The following SPAST variants were observed in gnomAD, a reference collection of about 807,000 sequenced individuals.
SPAST encodes spastic paraplegia 4 (autosomal dominant; spastin).
In SPAST, 30 loss-of-function variants were observed where a neutral mutation model predicts 76.6. The ratio of observed to expected loss-of-function variants is 0.39; its 90% CI spans 0.29 to 0.53. SPAST has a LOEUF of 0.53. Among genes scored for constraint, SPAST ranks in the 20% least tolerant of loss-of-function variants. SPAST has a pLI of 0.68. For missense variants in SPAST, 717 were observed against 770.5 expected, an observed-to-expected ratio of 0.93 and a Z score of 0.82; for synonymous variants, 305 against 281.0, an observed-to-expected ratio of 1.09 and a Z score of -0.86.
intron 4 of SPAST, among the ~76,000 whole-genome samples, chr2:32,103,692 A>G (rs1166794005): frequency 1.3e-5 from 2 of 152,148 alleles, no homozygotes; most frequent in African/African-American, 4.8e-5. Flanking sequence ...GTTTCAAAGA[A>G]CATCTTTATT....
At chr2:32,128,158 C>G (rs1168473898) in intron 8 of SPAST, 1 of 424,834 alleles carries the variant, frequency 2.4e-6, no homozygotes, top group Non-Finnish European at 4.3e-6. Flanking sequence ...CCACGCCTGA[C>G]TAATTTTTGT....
chr2:32,066,875 GAGGTAGGAGGATCACTTGAGCTC>G (rs758269211), intron 1 of SPAST, among the ~76,000 whole-genome samples: 2 of 148,424 alleles, frequency 1.3e-5, no homozygotes, highest in Non-Finnish European at 3.0e-5. Context: ...TTGGGGGGCT[GAGGTAGGAGGATCACTTGAGCTC>G]AGGTTGTTCA....
Position 32,151,884 on chromosome 2 carries a change from CTG to C in SPAST, c.1729-2487_1729-2486del, listed in dbSNP as rs1680097150. ...TGAGATCGTACCACTGCACTCCAGT[CTG>C]TGCGACAGGAGCGAGACTCCATCTC... On this transcript the variant is annotated intron_variant, in intron 16 of 16. Coordinates refer to ENST00000315285, the MANE Select transcript of SPAST (RefSeq NM_014946.4). Among the ~76,000 whole-genome samples the C allele has an allele frequency of 1.3e-5, 2 of 149,866 alleles. 1 individual carries two copies. Among genetic ancestry groups the C allele is most frequent in the South Asian group, 4.2e-4 (2 of 4,776 alleles).
chr2:32,076,503 T>G (rs1676967067), intron 1 of SPAST, among the ~76,000 whole-genome samples: 1 of 152,084 alleles, frequency 6.6e-6, no homozygotes. Context: ...ACTACAGACA[T>G]GAGCCATCAC....
chr2:32,077,265 C>A (rs1490090274), intron 1 of SPAST, among the ~76,000 whole-genome samples: 1 of 151,990 alleles, frequency 6.6e-6, no homozygotes, highest in East Asian at 1.9e-4. Context: ...TATATTTGTT[C>A]CTTGGAATGG....
chr2:32,072,292 C>T (rs1182510429), intron 1 of SPAST, among the ~76,000 whole-genome samples: 1 of 152,164 alleles, frequency 6.6e-6, no homozygotes, highest in East Asian at 1.9e-4. Context: ...ATTCACCCGC[C>T]TCGGCCTCCC....
At chr2:32,067,436 C>G (rs568306098) in intron 1 of SPAST, among the ~76,000 whole-genome samples, 2 of 152,074 alleles carry the variant, frequency 1.3e-5, no homozygotes, top group Non-Finnish European at 2.9e-5. Context: ...TAAGGAAAAC[C>G]TAGGCATGAA....
rs1451362567 is a variant in SPAST, at chr2:32,156,804, A to G, written c.*2308A>G. 6.6e-6 allele frequency: 1 copy of G among 152,216 alleles called. No homozygotes were observed. The highest frequency in any genetic ancestry group is 2.4e-5 in the African/African-American group (1 of 41,462). The allele number at this position is 152,216 out of a possible 1,614,324, so 9.4% of individuals were successfully genotyped here. A position where few individuals can be genotyped will look rare whatever the true frequency, so the allele number is the denominator to read the frequency against. On this transcript the variant is annotated 3_prime_UTR_variant, in exon 17 of 17. Coordinates refer to ENST00000315285, the MANE Select transcript of SPAST (RefSeq NM_014946.4). Reference sequence around the variant, plus strand: ...AGACTTTTAGATAACAAAGATTTCAAATGTTAAAAGAGATAAAAGTCAGGT... The same window carrying G: ...AGACTTTTAGATAACAAAGATTTCAGATGTTAAAAGAGATAAAAGTCAGGT...
At chr2:32,140,428 G>T (rs1679678104) in intron 12 of SPAST, among the ~76,000 whole-genome samples, 1 of 152,132 alleles carries the variant, frequency 6.6e-6, no homozygotes, top group African/African-American at 2.4e-5. Flanking sequence ...TTTGAGACCA[G>T]CCTGGCCAAC....
intron 9 of SPAST, chr2:32,130,718 CAAA>C (rs902989770): frequency 1.9e-4 from 11 of 57,202 alleles, no homozygotes; most frequent in Admixed American, 2.0e-4. Context: ...GACTCTGTCT[CAAA>C]AAAAAAAAAA....
At chr2:32,144,807 C>T in intron 14 of SPAST, 130 bp from the exon 15 acceptor site, 2 of 679,612 alleles carry the variant, frequency 2.9e-6, no homozygotes, top group South Asian at 1.5e-5. Flanking sequence ...GAGAATCGCT[C>T]CAGGAGGTGG....
intron 3 of SPAST, among the ~76,000 whole-genome samples, chr2:32,096,413 C>T (rs1017985218): frequency 6.6e-6 from 1 of 151,922 alleles, no homozygotes; most frequent in Non-Finnish European, 1.5e-5. Context: ...CCAGCCTGGG[C>T]GACAGAGTGA....
At chr2:32,103,090 T>C (rs1678188898) in intron 4 of SPAST, among the ~76,000 whole-genome samples, 1 of 152,220 alleles carries the variant, frequency 6.6e-6, no homozygotes, top group African/African-American at 2.4e-5. Flanking sequence ...TGAATCCATC[T>C]GGTCCTGGAC....
At position 32,108,284 on chromosome 2, in the gene SPAST, G is replaced by A. The variant is rs538556526; in HGVS notation, c.683-6354G>A. On this transcript the variant is annotated intron_variant, in intron 4 of 16. Transcript: ENST00000315285. ...ACAACAGCCTCAACAGCAGATTAGA[G>A]ATAGCAAAAGAAAGATTCAGTGACT... Among the ~76,000 whole-genome samples the A allele has an allele frequency of 2.6e-5, 4 of 152,256 alleles. 1 individual carries two copies. The South Asian group carries it at 8.3e-4, about 32-fold the overall frequency.
At chr2:32,084,196 G>A (rs1172222413) in intron 1 of SPAST, among the ~76,000 whole-genome samples, 1 of 151,840 alleles carries the variant, frequency 6.6e-6, no homozygotes, top group Non-Finnish European at 1.5e-5. Flanking sequence ...TTTTGAGACA[G>A]AGTCTTGCTC....
chr2:32,140,255 T>C (rs1262332943), intron 12 of SPAST, among the ~76,000 whole-genome samples: 2 of 152,142 alleles, frequency 1.3e-5, no homozygotes, highest in Non-Finnish European at 2.9e-5. Flanking sequence ...TCCTTGGTGG[T>C]TTTTTATTCA....
chr2:32,070,101 T>C (rs1348119380), intron 1 of SPAST, among the ~76,000 whole-genome samples: 2 of 151,590 alleles, frequency 1.3e-5, no homozygotes, highest in East Asian at 3.9e-4. Flanking sequence ...AGTCTTGCTC[T>C]GTCACCCACG....
At chr2:32,073,269 G>A (rs890704834) in intron 1 of SPAST, among the ~76,000 whole-genome samples, 2 of 152,206 alleles carry the variant, frequency 1.3e-5, no homozygotes, top group African/African-American at 4.8e-5. Context: ...CTGGCCTCAA[G>A]TGATCTGCCT....
intron 12 of SPAST, among the ~76,000 whole-genome samples, chr2:32,139,453 T>G (rs1422415207): frequency 1.3e-5 from 2 of 152,168 alleles, no homozygotes; most frequent in African/African-American, 4.8e-5. Flanking sequence ...TACAAAAAAT[T>G]AGTACCATTT....
Sources: gnomAD v4.1 joint callset for allele counts (sites outside exome capture counted in the v4.1 genomes callset) on GRCh38, gnomAD v4.1.1 for gene constraint, MANE v1.5 for transcripts, NCBI Gene and HGNC (gene_info 2026-07-23, HGNC 2026-07-21) for gene names.